Variants in ADGRB3 observed in about 807,000 individuals in gnomAD.
The protein encoded by ADGRB3 is brain-specific angiogenesis inhibitor 3.
Under a neutral mutation model 193.4 loss-of-function variants are expected in ADGRB3, and 37 were observed. The ratio of observed to expected loss-of-function variants is 0.19; its 90% CI spans 0.15 to 0.25. The LOEUF (loss-of-function observed/expected upper bound fraction) is 0.25. Among genes scored for constraint, ADGRB3 ranks in the 10% least tolerant of loss-of-function variants. The pLI is 1.00. For synonymous variants in ADGRB3, 690 were observed against 644.2 expected, an observed-to-expected ratio of 1.07 and a Z score of -1.08; for missense variants, 1,637 against 1,852.9, an observed-to-expected ratio of 0.88 and a Z score of 2.14.
intron 13 of ADGRB3, among the ~76,000 whole-genome samples, chr6:69,022,910 A>G (rs973362780): frequency 3.9e-5 from 6 of 152,026 alleles, no homozygotes; most frequent in African/African-American, 1.4e-4. Context: ...CCAAAGTTAC[A>G]GTGATGATTT....
intron 14 of ADGRB3, 87 bp from the exon 15 acceptor site, chr6:69,049,184 A>C: frequency 1.0e-6 from 1 of 956,710 alleles, no homozygotes; most frequent in Non-Finnish European, 1.6e-6. Context: ...GAAGTACTGG[A>C]ATTATCTTGT....
intron 30 of ADGRB3, among the ~76,000 whole-genome samples, chr6:69,379,464 A>G (rs1028053956): frequency 3.9e-5 from 6 of 152,054 alleles, no homozygotes; most frequent in African/African-American, 1.4e-4. Flanking sequence ...CAGTGCTACA[A>G]ATAAATACTC....
intron 17 of ADGRB3, among the ~76,000 whole-genome samples, chr6:69,135,325 G>T (rs1279770409): frequency 1.3e-5 from 2 of 151,252 alleles, no homozygotes; most frequent in Non-Finnish European, 3.0e-5. Context: ...ATGCATTACA[G>T]CAAGCCTCTT....
chr6:68,868,819 G>T (rs1199639772), intron 3 of ADGRB3, among the ~76,000 whole-genome samples: 1 of 151,850 alleles, frequency 6.6e-6, no homozygotes, highest in Admixed American at 6.6e-5. Context: ...AAGCTGCCTT[G>T]TAATACAATA....
At chr6:68,641,831 A>G (rs980736673) in intron 3 of ADGRB3, among the ~76,000 whole-genome samples, 3 of 152,060 alleles carry the variant, frequency 2.0e-5, no homozygotes, top group Non-Finnish European at 2.9e-5. Flanking sequence ...TAAGCAAAGT[A>G]TATTCTATCT....
chr6:69,361,569 T>C (rs1769452272), intron 29 of ADGRB3, 57 bp downstream of exon 29: 4 of 1,514,858 alleles, frequency 2.6e-6, no homozygotes, highest in Non-Finnish European at 3.6e-6. Flanking sequence ...TAGATATAAA[T>C]AGAGATATTG....
At chr6:69,036,044 T>C (rs1770860314) in intron 13 of ADGRB3, among the ~76,000 whole-genome samples, 1 of 152,150 alleles carries the variant, frequency 6.6e-6, no homozygotes, top group African/African-American at 2.4e-5. Flanking sequence ...GTATTAGGTC[T>C]GGAGTTAAGA....
chr6:68,710,477 C>T (rs1201952936), intron 3 of ADGRB3, among the ~76,000 whole-genome samples: 1 of 152,140 alleles, frequency 6.6e-6, no homozygotes, highest in Non-Finnish European at 1.5e-5. Flanking sequence ...TATCTGGTCT[C>T]TCTCCTGGCT....
chr6:69,012,608 A>T (rs1769969332), intron 11 of ADGRB3, among the ~76,000 whole-genome samples: 1 of 152,072 alleles, frequency 6.6e-6, no homozygotes, highest in Admixed American at 6.6e-5. Context: ...TCTAAAACAG[A>T]CTTGCAGGTT....
intron 3 of ADGRB3, among the ~76,000 whole-genome samples, chr6:68,875,239 TCTGCC>T (rs1562066704): frequency 7.8e-5 from 1 of 12,850 alleles, no homozygotes; most frequent in African/African-American, 3.6e-4. Context: ...TCCCCCTCCC[TCTGCC>T]CTCCCCTCCC....
intron 17 of ADGRB3, among the ~76,000 whole-genome samples, chr6:69,219,651 G>A (rs1278235684): frequency 6.6e-6 from 1 of 151,158 alleles, no homozygotes; most frequent in East Asian, 1.9e-4. Flanking sequence ...GTAACTCACA[G>A]GTAAATGTGC....
intron 20 of ADGRB3, among the ~76,000 whole-genome samples, chr6:69,253,228 C>A (rs1478194415): frequency 6.6e-6 from 1 of 152,032 alleles, no homozygotes; most frequent in Non-Finnish European, 1.5e-5. Context: ...TCTCTAACTT[C>A]ATTCTTCCTT....
At chr6:69,005,545 G>T (rs1279531066) in intron 11 of ADGRB3, among the ~76,000 whole-genome samples, 9 of 152,140 alleles carry the variant, frequency 5.9e-5, no homozygotes, top group African/African-American at 1.9e-4. Context: ...TGTTCTTAAA[G>T]ACTTTTTTCA....
intron 3 of ADGRB3, among the ~76,000 whole-genome samples, chr6:68,888,533 G>T (rs1765976021): frequency 3.6e-5 from 4 of 111,862 alleles, no homozygotes; most frequent in African/African-American, 3.6e-5. Flanking sequence ...TCCTTTTTTG[G>T]GTAATAGATA....
At chr6:68,905,399 T>C (rs544409201) in intron 3 of ADGRB3, among the ~76,000 whole-genome samples, 2 of 152,202 alleles carry the variant, frequency 1.3e-5, no homozygotes, top group Non-Finnish European at 1.5e-5. Flanking sequence ...TTTCTTACTA[T>C]ATGAGACATC....
intron 20 of ADGRB3, among the ~76,000 whole-genome samples, chr6:69,256,760 G>C (rs1023239560): frequency 6.6e-6 from 1 of 152,192 alleles, no homozygotes; most frequent in Non-Finnish European, 1.5e-5. Flanking sequence ...AGTGGTGAGA[G>C]AGGGCATCCC....
intron 23 of ADGRB3, 54 bp downstream of exon 23, chr6:69,330,626 CT>C: frequency 7.0e-7 from 1 of 1,429,892 alleles, no homozygotes; most frequent in South Asian, 1.3e-5. Flanking sequence ...AAAAAGACTA[CT>C]TTCTTTCAAT....
chr6:69,334,512 A>C (rs1276213615), intron 24 of ADGRB3, among the ~76,000 whole-genome samples: 1 of 152,204 alleles, frequency 6.6e-6, no homozygotes, highest in East Asian at 1.9e-4. Context: ...TTTTCACTGC[A>C]GACAAGTTTC....
intron 3 of ADGRB3, among the ~76,000 whole-genome samples, chr6:68,858,539 G>A (rs1393438737): frequency 1.5e-5 from 2 of 137,472 alleles, no homozygotes; most frequent in Non-Finnish European, 3.0e-5. Context: ...GCTGCAGTGA[G>A]CCATGATCAT....
Sources: gnomAD v4.1 joint callset for allele counts (sites outside exome capture counted in the v4.1 genomes callset) on GRCh38, gnomAD v4.1.1 for gene constraint, MANE v1.5 for transcripts, NCBI Gene and HGNC (gene_info 2026-07-23, HGNC 2026-07-21) for gene names.